NEBL: variants seen among roughly 807,000 people sequenced by gnomAD.
NEBL encodes the protein nebulette, also known as LIM and SH3 protein 2.
Under a neutral mutation model 140.2 loss-of-function variants are expected in NEBL, and 122 were observed. That is an observed-to-expected ratio of 0.87 (90% CI 0.75 to 1.01). The LOEUF is 1.01. NEBL is among the 50% of genes least tolerant of loss of function. NEBL has a pLI of 0.00. For synonymous variants in NEBL, 436 were observed against 398.9 expected (o/e 1.09, Z -1.11); for missense variants, 1,365 against 1,231.3 (o/e 1.11, Z -1.62).
intron 3 of NEBL, among the ~76,000 whole-genome samples, chr10:21,185,503 T>G (rs1841451089): frequency 1.5e-5 from 2 of 137,374 alleles, no homozygotes; most frequent in South Asian, 5.1e-4. Context: ...TTTTTTTTTT[T>G]TTTTTTTTTT....
intron 24 of NEBL, among the ~76,000 whole-genome samples, chr10:20,811,412 CCCTTAAGATAGTT>C (rs1251435306): frequency 6.6e-6 from 1 of 152,162 alleles, no homozygotes; most frequent in Non-Finnish European, 1.5e-5. Context: ...CCTGCACTAT[CCCTTAAGATAGTT>C]CCATCCCTTT....
intron 14 of NEBL, 73 bp from the exon 15 acceptor site, chr10:20,831,656 T>G (rs1056084659): frequency 2.1e-6 from 2 of 943,504 alleles, no homozygotes; most frequent in African/African-American, 3.2e-5. Flanking sequence ...AGATGTCATT[T>G]TGACATTAAG....
At chr10:20,942,086 T>G (rs1023827466) in intron 4 of NEBL, among the ~76,000 whole-genome samples, 2 of 152,298 alleles carry the variant, frequency 1.3e-5, no homozygotes, top group South Asian at 2.1e-4. Flanking sequence ...TGGAAAAAAC[T>G]ACTTTAAAGT....
At chr10:21,255,960 C>G (rs556465825) in intron 1 of NEBL, among the ~76,000 whole-genome samples, 1 of 145,080 alleles carries the variant, frequency 6.9e-6, no homozygotes, top group Non-Finnish European at 1.5e-5. Context: ...CCAGCCTGGG[C>G]GACAGAGCGA....
At chr10:21,069,870 A>C in intron 2 of NEBL, 1 of 400,406 alleles carries the variant, frequency 2.5e-6, no homozygotes, top group East Asian at 7.3e-5. Context: ...CAGAAGATTA[A>C]AACAAGTTTT....
At chr10:21,072,490 C>T (rs374218305) in intron 2 of NEBL, among the ~76,000 whole-genome samples, 1 of 152,208 alleles carries the variant, frequency 6.6e-6, no homozygotes, top group Non-Finnish European at 1.5e-5. Flanking sequence ...CCAACAAAAT[C>T]TTCTGGAACA....
chr10:20,788,334 T>A (rs577417085), intron 26 of NEBL, among the ~76,000 whole-genome samples: 2 of 152,290 alleles, frequency 1.3e-5, no homozygotes, highest in Non-Finnish European at 2.9e-5. Context: ...TTTTGTTTAA[T>A]CAGGTTGAGT....
In NEBL at chr10:20,858,329, C is replaced by G. The variant is rs779682025; in HGVS notation, c.814G>C (p.Asp272His). ...ACTGGATCATGCATATTTTGAATGT[C>G]TTTCTTGTACTTCACCTATGAAAAT... is the stretch of plus-strand genomic sequence containing the variant. ...TLASNVKYKKDIQNMHDPVSD... is the reference protein window; with the variant it reads ...TLASNVKYKKHIQNMHDPVSD... The change falls in exon 9 of 28, where the codon GAC becomes CAC. Residue 272 changes from aspartate to histidine, a missense_variant. Around this residue, in one of 2 missense-constraint regions of NEBL, gnomAD observed 1,323 missense variants for 1,154.8 expected, o/e 1.15. Coordinates refer to ENST00000377122, the MANE Select transcript of NEBL (RefSeq NM_006393.3). The G allele has an allele frequency of 1.9e-6, 3 of 1,598,080 alleles. No homozygotes were observed. The Admixed American group carries it at 5.0e-5, about 27-fold the overall frequency.
At chr10:21,283,265 A>C (rs1322004082) in intron 1 of NEBL, among the ~76,000 whole-genome samples, 1 of 152,160 alleles carries the variant, frequency 6.6e-6, no homozygotes, top group African/African-American at 2.4e-5. Flanking sequence ...GTTTACAAAT[A>C]AATGCCATGG....
At chr10:21,288,394 G>A (rs368004525) in intron 1 of NEBL, among the ~76,000 whole-genome samples, 2 of 152,070 alleles carry the variant, frequency 1.3e-5, no homozygotes, top group East Asian at 3.9e-4. Flanking sequence ...CTTGAACCCA[G>A]GAGTCAGAGT....
chr10:21,158,350 T>A (rs1417615011), intron 2 of NEBL, among the ~76,000 whole-genome samples: 1 of 152,224 alleles, frequency 6.6e-6, no homozygotes, highest in Non-Finnish European at 1.5e-5. Context: ...AGCCAACATT[T>A]ATACAGTGTC....
intron 2 of NEBL, among the ~76,000 whole-genome samples, chr10:21,101,081 T>C (rs1837455517): frequency 6.6e-6 from 1 of 152,066 alleles, no homozygotes; most frequent in Non-Finnish European, 1.5e-5. Flanking sequence ...GAAGCAGAAG[T>C]GGATGGACCA....
chr10:21,098,713 G>A (rs1838435137), intron 2 of NEBL, among the ~76,000 whole-genome samples: 1 of 152,140 alleles, frequency 6.6e-6, no homozygotes, highest in Non-Finnish European at 1.5e-5. Flanking sequence ...ATCATCATAA[G>A]CTGAATGTAT....
chr10:20,852,201 C>T lies in NEBL; in HGVS notation c.1008+344G>A, dbSNP rs544947390. ...ATAAACCTTGCACCTGGAAAATTAACGTTACTGCTCAAAATGACAAATCAA... is the reference window on the plus strand; with the variant it reads ...ATAAACCTTGCACCTGGAAAATTAATGTTACTGCTCAAAATGACAAATCAA... On this transcript the variant is annotated intron_variant, in intron 10 of 27. Transcript: ENST00000377122. 1.2e-3 allele frequency among the ~76,000 whole-genome samples: 186 copies of T among 152,210 alleles called. 1 individual carries two copies. The highest frequency in any genetic ancestry group is 2.2e-3 in the Non-Finnish European group (151 of 67,982).
intron 4 of NEBL, among the ~76,000 whole-genome samples, chr10:20,934,138 A>C: frequency 6.6e-6 from 1 of 152,178 alleles, no homozygotes; most frequent in East Asian, 1.9e-4. Context: ...CTTTAGTCTC[A>C]TCTGGGACTG....
intron 4 of NEBL, among the ~76,000 whole-genome samples, chr10:20,929,260 AATAT>A (rs57452633): frequency 6.7e-6 from 1 of 148,884 alleles, no homozygotes; most frequent in Non-Finnish European, 1.5e-5. Context: ...GAGAGATATA[AATAT>A]ATATATATAT....
At chr10:21,032,407 G>C (rs1283790207) in intron 2 of NEBL, among the ~76,000 whole-genome samples, 2 of 152,146 alleles carry the variant, frequency 1.3e-5, no homozygotes, top group South Asian at 2.1e-4. Context: ...TGGGGTCTAA[G>C]ATGCTTTTTG....
chr10:21,249,352 G>A (rs904369482), intron 2 of NEBL, among the ~76,000 whole-genome samples: 5 of 152,098 alleles, frequency 3.3e-5, no homozygotes, highest in African/African-American at 4.8e-5. Context: ...TGCTGATAGT[G>A]TCCTTCAATG....
Position 21,288,855 on chromosome 10 carries a change from T to A in NEBL, n.182+3975A>T, listed in dbSNP as rs1219932042. Among the ~76,000 whole-genome samples, 42 of 103,138 alleles carry A rather than the reference T, an allele frequency of 4.1e-4. 1 individual carries two copies. Among genetic ancestry groups the A allele is most frequent in the East Asian group, 5.8e-4 (2 of 3,424 alleles). 67.7% of individuals were successfully genotyped at this position (103,138 alleles called of 152,430 possible). On this transcript the variant is annotated intron_variant and non_coding_transcript_variant, in intron 1 of 8. Transcript: ENST00000675702. ...ATATATATATATATATATATAAAAA[T>A]TTTTTTTTTTTGAGACGGAGTCTTG... is the stretch of plus-strand genomic sequence containing the variant.
Sources: gnomAD v4.1 joint callset for allele counts (sites outside exome capture counted in the v4.1 genomes callset) on GRCh38, gnomAD v4.1.1 for gene constraint, gnomAD v4.1.1 regional missense constraint, MANE v1.5 for transcripts, NCBI Gene and HGNC (gene_info 2026-07-23, HGNC 2026-07-21) for gene names.